The following PLSCR4 variants were observed in gnomAD, a reference collection of about 807,000 sequenced individuals.
PLSCR4 encodes the protein phospholipid scramblase 4, also known as Ca(2+)-dependent phospholipid scramblase 4.
A neutral mutation model predicts 36.3 loss-of-function variants in PLSCR4; 25 were observed. The ratio of observed to expected loss-of-function variants is 0.69; its 90% CI spans 0.50 to 0.96. The LOEUF (loss-of-function observed/expected upper bound fraction) is 0.96, where lower values mean the gene tolerates loss of function less well. Among genes scored for constraint, PLSCR4 ranks in the 40% least tolerant of loss-of-function variants. The pLI is 0.00. For missense variants in PLSCR4, 408 were observed against 414.7 expected, an observed-to-expected ratio of 0.98 and a Z score of 0.14; for synonymous variants, 122 against 132.9, an observed-to-expected ratio of 0.92 and a Z score of 0.56.
chr3:146,222,294 CAG>C (rs2035195832), intron 1 of PLSCR4: 5 of 299,802 alleles, frequency 1.7e-5, no homozygotes, highest in Middle Eastern at 9.3e-4. Context: ...AGCAATGAAG[CAG>C]ACAGACACTC....
At chr3:146,224,848 A>G (rs757612928) in intron 1 of PLSCR4, among the ~76,000 whole-genome samples, 8 of 147,944 alleles carry the variant, frequency 5.4e-5, no homozygotes, top group Non-Finnish European at 7.5e-5. Context: ...TCCCCATCAG[A>G]TTAGTTAGAT....
chr3:146,200,476 T>C (rs866727120), intron 5 of PLSCR4, among the ~76,000 whole-genome samples: 5 of 152,224 alleles, frequency 3.3e-5, no homozygotes, highest in South Asian at 4.2e-4. Flanking sequence ...CCCTATGTGG[T>C]GGCCAAATGA....
At chr3:146,223,962 T>A (rs995804750) in intron 1 of PLSCR4, among the ~76,000 whole-genome samples, 5 of 59,348 alleles carry the variant, frequency 8.4e-5, no homozygotes, top group African/African-American at 2.1e-4. Flanking sequence ...TAATAAATAT[T>A]TATTTATTTA....
At chr3:146,229,350 T>C (rs1362081885) in intron 1 of PLSCR4, among the ~76,000 whole-genome samples, 1 of 152,044 alleles carries the variant, frequency 6.6e-6, no homozygotes, top group Non-Finnish European at 1.5e-5. Flanking sequence ...GGTGGGGGCC[T>C]TGAGACTGAG....
At chr3:146,248,503 C>G (rs1394472185) in intron 1 of PLSCR4, among the ~76,000 whole-genome samples, 2 of 150,636 alleles carry the variant, frequency 1.3e-5, no homozygotes, top group Non-Finnish European at 3.0e-5. Context: ...CACACACACA[C>G]ACACAGTGTT....
chr3:146,202,202 T>G (rs2034084169), intron 4 of PLSCR4, among the ~76,000 whole-genome samples: 1 of 151,882 alleles, frequency 6.6e-6, no homozygotes, highest in Non-Finnish European at 1.5e-5. Flanking sequence ...ACTAAAATGG[T>G]TTATAGTCCA....
intron 3 of PLSCR4, among the ~76,000 whole-genome samples, chr3:146,212,437 GTTT>G (rs56774201): frequency 1.4e-5 from 2 of 143,632 alleles, no homozygotes; most frequent in South Asian, 2.2e-4. Context: ...TTTTTGTTTT[GTTT>G]TTTTTTGTTT....
At position 146,199,947 on chromosome 3, in the gene PLSCR4, TA is replaced by T. The variant is rs780737289; in HGVS notation, c.489del (p.Phe163LeufsTer9). The T allele has an allele frequency of 1.2e-6, 2 of 1,613,370 alleles. No individual in the cohort carries two copies. Among genetic ancestry groups the T allele is most frequent in the East Asian group, 4.5e-5 (2 of 44,876 alleles). On this transcript the variant is annotated frameshift_variant, in exon 6 of 9. Transcript: ENST00000354952. LOFTEE classifies it high-confidence loss of function. ...VYIVTEDTDD[F>X]TRNAYRTLRP... ...CTTAGTGTCCGATAGGCATTCCTGGTAAAGTCATCTGTGTCTTCGGTTACAA... is the reference window on the plus strand; with the variant it reads ...CTTAGTGTCCGATAGGCATTCCTGGTAAGTCATCTGTGTCTTCGGTTACAA...
At chr3:146,224,817 T>C (rs944830936) in intron 1 of PLSCR4, among the ~76,000 whole-genome samples, 1 of 151,388 alleles carries the variant, frequency 6.6e-6, no homozygotes, top group African/African-American at 2.4e-5. Context: ...ATCCCTGCGC[T>C]AGATACAAAG....
chr3:146,213,045 T>C (rs1288237875), intron 3 of PLSCR4, among the ~76,000 whole-genome samples: 15 of 152,232 alleles, frequency 9.9e-5, no homozygotes. Context: ...TTTAATGTGA[T>C]AAACCAATCT....
At chr3:146,208,030 A>G (rs928456809) in intron 3 of PLSCR4, among the ~76,000 whole-genome samples, 3 of 152,170 alleles carry the variant, frequency 2.0e-5, no homozygotes, top group Non-Finnish European at 4.4e-5. Context: ...CTTGATTTCA[A>G]ATGATACTAT....
rs556859857 is a variant in PLSCR4, at chr3:146,244,448, C to T, written c.-22+6512G>A. On this transcript the variant is annotated intron_variant, in intron 1 of 8. Transcript: ENST00000354952. ...CCTTGTATCAAGGAGTCTATCAGTG[C>T]CATTTTGCAGAACAGCAACTTCTCA... Among the ~76,000 whole-genome samples the T allele has an allele frequency of 1.4e-3, 214 of 152,154 alleles. 1 individual carries two copies. The highest frequency in any genetic ancestry group is 5.1e-3 in the African/African-American group (213 of 41,536).
intron 1 of PLSCR4, among the ~76,000 whole-genome samples, chr3:146,233,472 A>G (rs2035799640): frequency 6.6e-6 from 1 of 152,150 alleles, no homozygotes; most frequent in Non-Finnish European, 1.5e-5. Flanking sequence ...AAAATTTCTA[A>G]TATTTTTTAG....
intron 3 of PLSCR4, among the ~76,000 whole-genome samples, chr3:146,209,996 G>A (rs1460867553): frequency 6.6e-6 from 1 of 152,018 alleles, no homozygotes; most frequent in Non-Finnish European, 1.5e-5. Context: ...TAAAGGATTG[G>A]TTCCAGGACT....
intron 5 of PLSCR4, 72 bp from the exon 6 acceptor site, chr3:146,200,111 T>G: frequency 1.2e-6 from 1 of 866,884 alleles, no homozygotes. Flanking sequence ...TGTTTAGTAT[T>G]TCTTAAGGGC....
chr3:146,227,856 C>T (rs2035541316), intron 1 of PLSCR4, among the ~76,000 whole-genome samples: 1 of 152,210 alleles, frequency 6.6e-6, no homozygotes, highest in Non-Finnish European at 1.5e-5. Context: ...AGTCCTACAC[C>T]AGCTACCATG....
rs374814062 is a variant in PLSCR4, at chr3:146,236,158, G to A, written c.-21-14066C>T. Among the ~76,000 whole-genome samples, 113 of 152,220 alleles carry A rather than the reference G, an allele frequency of 7.4e-4. 5 individuals are homozygous for A. The South Asian group carries it at 8.9e-3, about 12-fold the overall frequency. ...TGAGAAATTTCATAACTAGAAGGAA[G>A]GAAATTGCTACTAGCCAAGACAATG... On this transcript the variant is annotated intron_variant, in intron 1 of 8. Coordinates refer to ENST00000354952, the MANE Select transcript of PLSCR4 (RefSeq NM_020353.3).
intron 6 of PLSCR4, among the ~76,000 whole-genome samples, 180 bp downstream of exon 6, chr3:146,199,633 A>G (rs573923243): frequency 9.2e-5 from 14 of 152,292 alleles, no homozygotes; most frequent in African/African-American, 2.6e-4. Context: ...GTAACCAAAA[A>G]GAAAAAATCC....
intron 1 of PLSCR4, among the ~76,000 whole-genome samples, chr3:146,229,200 C>G (rs2035598461): frequency 2.0e-5 from 3 of 152,226 alleles, no homozygotes; most frequent in Admixed American, 2.0e-4. Flanking sequence ...TTTCTGTTTT[C>G]CTTGGTGGGC....
Sources: gnomAD v4.1 joint callset for allele counts (sites outside exome capture counted in the v4.1 genomes callset) on GRCh38, gnomAD v4.1.1 for gene constraint, MANE v1.5 for transcripts, NCBI Gene and HGNC (gene_info 2026-07-23, HGNC 2026-07-21) for gene names.